The following TRAF3 variants were observed in gnomAD, a reference collection of about 807,000 sequenced individuals.
The protein encoded by TRAF3 is TNF receptor-associated factor 3.
Under a neutral mutation model 62.3 loss-of-function variants are expected in TRAF3, and 13 were observed. That is an observed-to-expected ratio of 0.21 (90% CI 0.14 to 0.33). The LOEUF (loss-of-function observed/expected upper bound fraction) is 0.33, where lower values mean the gene tolerates loss of function less well. Among genes scored for constraint, TRAF3 ranks in the 10% least tolerant of loss-of-function variants. The pLI, the probability that TRAF3 is intolerant of heterozygous loss-of-function variation, is 1.00. For missense variants in TRAF3, 440 were observed against 741.8 expected, an observed-to-expected ratio of 0.59 and a Z score of 4.73; for synonymous variants, 269 against 283.4, an observed-to-expected ratio of 0.95 and a Z score of 0.51.
chr14:102,902,231 G>C (rs528165900), intron 10 of TRAF3, among the ~76,000 whole-genome samples: 1 of 152,360 alleles, frequency 6.6e-6, no homozygotes, highest in African/African-American at 2.4e-5. Context: ...TGCCTCCCTC[G>C]CTGGGGCCTG....
chr14:102,840,804 T>C (rs998671992), intron 2 of TRAF3, among the ~76,000 whole-genome samples: 2 of 152,170 alleles, frequency 1.3e-5, no homozygotes, highest in African/African-American at 4.8e-5. Flanking sequence ...AGACAAAATA[T>C]ATGAAGTAAT....
At chr14:102,794,363 G>A (rs1235058491) in intron 1 of TRAF3, among the ~76,000 whole-genome samples, 1 of 152,116 alleles carries the variant, frequency 6.6e-6, no homozygotes, top group Non-Finnish European at 1.5e-5. Flanking sequence ...TTAACTTTTT[G>A]TAGAGACAAG....
At chr14:102,792,732 C>T (rs1408474056) in intron 1 of TRAF3, among the ~76,000 whole-genome samples, 1 of 152,014 alleles carries the variant, frequency 6.6e-6, no homozygotes, top group African/African-American at 2.4e-5. Context: ...GGATAAATCT[C>T]ACTTTGTCAT....
intron 1 of TRAF3, among the ~76,000 whole-genome samples, chr14:102,791,904 C>T (rs184881916): frequency 1.3e-5 from 2 of 151,910 alleles, no homozygotes; most frequent in African/African-American, 2.4e-5. Flanking sequence ...CCTCTGCCTC[C>T]CAGGCTCAAG....
At chr14:102,779,617 G>A (rs1359505936) in intron 1 of TRAF3, among the ~76,000 whole-genome samples, 1 of 152,170 alleles carries the variant, frequency 6.6e-6, no homozygotes, top group African/African-American at 2.4e-5. Context: ...CCTTTCTAGG[G>A]TATTGTCAGG....
At chr14:102,890,104 G>T (rs1243598812) in intron 8 of TRAF3, among the ~76,000 whole-genome samples, 1 of 152,222 alleles carries the variant, frequency 6.6e-6, no homozygotes, top group Non-Finnish European at 1.5e-5. Context: ...CCCAACGGGG[G>T]ACAGACGCAA....
At chr14:102,792,106 G>T (rs1897826728) in intron 1 of TRAF3, among the ~76,000 whole-genome samples, 1 of 118,992 alleles carries the variant, frequency 8.4e-6, no homozygotes, top group African/African-American at 3.2e-5. Context: ...GAGCCACTGT[G>T]CCTGGACTTT....
chr14:102,807,964 C>A (rs1294449802), intron 1 of TRAF3, among the ~76,000 whole-genome samples: 1 of 152,188 alleles, frequency 6.6e-6, no homozygotes, highest in Non-Finnish European at 1.5e-5. Flanking sequence ...GAAGTTGAGG[C>A]AGCATACCTC....
intron 1 of TRAF3, among the ~76,000 whole-genome samples, chr14:102,807,136 G>A (rs750950681): frequency 9.2e-5 from 14 of 152,136 alleles, no homozygotes; most frequent in Non-Finnish European, 1.5e-4. Context: ...CCATGCTGCT[G>A]TCAGAGAGAT....
chr14:102,860,661 A>G (rs1266935480), intron 2 of TRAF3, among the ~76,000 whole-genome samples: 1 of 152,244 alleles, frequency 6.6e-6, no homozygotes, highest in Admixed American at 6.5e-5. Flanking sequence ...GGCACAGGTC[A>G]CCCAAATGCC....
intron 1 of TRAF3, among the ~76,000 whole-genome samples, chr14:102,802,037 T>G (rs1437879227): frequency 6.7e-6 from 1 of 150,274 alleles, no homozygotes; most frequent in Non-Finnish European, 1.5e-5. Flanking sequence ...AAAATTTTTT[T>G]TTTTTGAGAC....
intron 2 of TRAF3, among the ~76,000 whole-genome samples, chr14:102,855,656 C>T (rs1462337399): frequency 2.0e-5 from 3 of 151,932 alleles, no homozygotes; most frequent in East Asian, 1.9e-4. Flanking sequence ...ATTAGCCAGG[C>T]GTGGTGGCAC....
intron 2 of TRAF3, among the ~76,000 whole-genome samples, chr14:102,868,386 A>T (rs942029142): frequency 1.1e-4 from 16 of 152,110 alleles, no homozygotes; most frequent in African/African-American, 3.9e-4. Context: ...CTCCCTTCAC[A>T]GCCACTCCCT....
chr14:102,877,048 G>A (rs925876283), intron 6 of TRAF3, among the ~76,000 whole-genome samples: 4 of 150,150 alleles, frequency 2.7e-5, no homozygotes, highest in Admixed American at 1.3e-4. Context: ...CCGTTCCACA[G>A]GCCTTAGGCT....
At chr14:102,809,455 G>C (rs761457534) in intron 1 of TRAF3, among the ~76,000 whole-genome samples, 3 of 150,990 alleles carry the variant, frequency 2.0e-5, no homozygotes, top group Non-Finnish European at 4.4e-5. Flanking sequence ...AAAGCTCTGT[G>C]TCTCCTGGAA....
chr14:102,797,950 T>C (rs1047192549), intron 1 of TRAF3, among the ~76,000 whole-genome samples: 15 of 152,244 alleles, frequency 9.9e-5, no homozygotes, highest in African/African-American at 3.1e-4. Flanking sequence ...TTGGTCAGGC[T>C]GGTCTCCAAC....
rs76663820 is a variant in TRAF3, at chr14:102,784,215, C to CTT, written c.-157+6566_-157+6567dup. On this transcript the variant is annotated intron_variant, in intron 1 of 11. Coordinates refer to ENST00000392745, the MANE Select transcript of TRAF3 (RefSeq NM_145725.3). The stretch of plus-strand genomic sequence containing the variant: ...GTTTGCTCCTGGGAAGATGCTTGGC[C>CTT]TTTTTTTTTTTTTTTTTTTTTTTTT... Among the ~76,000 whole-genome samples, 690 of 117,530 alleles carry CTT rather than the reference C, an allele frequency of 5.9e-3. 20 individuals carry two copies. The highest frequency in any genetic ancestry group is 9.4e-3 in the Non-Finnish European group (581 of 62,080). The allele number at this position is 117,530 out of a possible 152,430, so 77.1% of individuals were successfully genotyped here.
chr14:102,903,022 A>G lies in TRAF3; in HGVS notation c.961-233A>G, dbSNP rs2140000275. The G allele has an allele frequency of 1.3e-5, 8 of 603,990 alleles. No homozygotes were observed. The highest frequency in any genetic ancestry group is 2.1e-5 in the Non-Finnish European group (7 of 335,914). The allele number at this position is 603,990 out of a possible 1,614,324, so 37.4% of individuals were successfully genotyped here. A position where few individuals can be genotyped will look rare whatever the true frequency, so the allele number is the denominator to read the frequency against. On this transcript the variant is annotated intron_variant, in intron 10 of 11. Transcript: ENST00000392745. The surrounding 1 kb of genome is among the most constrained non-coding windows in gnomAD (Gnocchi z 6.4). ...GTGGAGCCTCCTGTTGTTTTCTTCC[A>G]TGTGGCTTCATGTCACCTCGAGTGC...
chr14:102,897,420 C>A lies in TRAF3; in HGVS notation c.960+19C>A. The A allele has an allele frequency of 6.2e-7, 1 of 1,612,334 alleles. No individual in the cohort carries two copies. The highest frequency in any genetic ancestry group is 8.5e-7 in the Non-Finnish European group (1 of 1,179,066). ...TTTACAGGTAAGAATCTTAGGACTACGGCCAGATCAAAGGGTGGAGGAGCT... is the reference window on the plus strand; with the variant it reads ...TTTACAGGTAAGAATCTTAGGACTAAGGCCAGATCAAAGGGTGGAGGAGCT... On this transcript the variant is annotated intron_variant, in intron 10 of 11. Coordinates refer to ENST00000392745, the MANE Select transcript of TRAF3 (RefSeq NM_145725.3).
Sources: allele counts gnomAD v4.1 joint callset (sites outside exome capture counted in the v4.1 genomes callset), GRCh38; gene constraint gnomAD v4.1.1; non-coding constraint Gnocchi (gnomAD v3.1); transcripts MANE v1.5; gene names NCBI Gene and HGNC (gene_info 2026-07-23, HGNC 2026-07-21).